Variants in STAT1 observed in about 807,000 individuals in gnomAD.
STAT1 encodes the protein signal transducer and activator of transcription 1-alpha/beta.
STAT1 carries 24 observed loss-of-function variants against 111.7 expected under a neutral mutation model. The observed-to-expected ratio is 0.21, with a 90% confidence interval of 0.16 to 0.30. STAT1 has a LOEUF of 0.30. STAT1 is among the 10% of genes least tolerant of loss of function. STAT1 has a pLI of 1.00. For missense variants in STAT1, 351 were observed against 911.9 expected, an observed-to-expected ratio of 0.38 and a Z score of 7.92; for synonymous variants, 332 against 326.5, an observed-to-expected ratio of 1.02 and a Z score of -0.18.
At position 190,999,323 on chromosome 2, in the gene STAT1, T is replaced by C. The variant is rs1694089967; in HGVS notation, c.541+303A>G. Among the ~76,000 whole-genome samples the C allele has an allele frequency of 6.6e-6, 1 of 152,114 alleles. No individual in the cohort carries two copies. Among genetic ancestry groups the C allele is most frequent in the Non-Finnish European group, 1.5e-5 (1 of 68,014 alleles). ...GGGGTCACTGACCCCTAGGGGACTTTTGGCAATCTCTGGAGACAGTTTTGG... is the reference window on the plus strand; with the variant it reads ...GGGGTCACTGACCCCTAGGGGACTTCTGGCAATCTCTGGAGACAGTTTTGG... On this transcript the variant is annotated intron_variant, in intron 7 of 24. Transcript: ENST00000361099. This position sits in a 1 kb window ranked among gnomAD's most constrained non-coding sequence, Gnocchi z 4.1.
At position 190,989,574 on chromosome 2, in the gene STAT1, C is replaced by T; in HGVS notation, c.1097+41G>A. 1.6e-6 allele frequency: 2 copies of T among 1,224,098 alleles called. No individual in the cohort carries two copies. Among genetic ancestry groups the T allele is most frequent in the Non-Finnish European group, 2.3e-6 (2 of 853,820 alleles). 75.8% of individuals were successfully genotyped at this position (1,224,098 alleles called of 1,614,324 possible). On this transcript the variant is annotated intron_variant, in intron 12 of 24. Transcript: ENST00000361099. This position sits in a 1 kb window ranked among gnomAD's most constrained non-coding sequence, Gnocchi z 5.0. ...TGCTTGAGTAACAAAATCAACATTT[C>T]AATAGTACATGTATGTTATATAATG...
Position 191,006,423 on chromosome 2 carries a change from G to A in STAT1, c.372+1140C>T, listed in dbSNP as rs1694704460. Among the ~76,000 whole-genome samples the A allele has an allele frequency of 6.6e-6, 1 of 152,198 alleles. No homozygotes were observed. The highest frequency in any genetic ancestry group is 2.4e-5 in the African/African-American group (1 of 41,446). On this transcript the variant is annotated intron_variant, in intron 5 of 24. Coordinates refer to ENST00000361099, the MANE Select transcript of STAT1 (RefSeq NM_007315.4). The surrounding 1 kb of genome is among the most constrained non-coding windows in gnomAD (Gnocchi z 4.6). ...CAGTTCAGCAAGATGCTATCAGTGTGACAAGAAGATGGGAACTATACGCCT... is the reference window on the plus strand; with the variant it reads ...CAGTTCAGCAAGATGCTATCAGTGTAACAAGAAGATGGGAACTATACGCCT...
rs566908973 is a variant in STAT1, at chr2:190,984,963, G to T, written c.1264-570C>A. Among the ~76,000 whole-genome samples the T allele has an allele frequency of 3.2e-4, 48 of 152,308 alleles. No homozygotes were observed. The highest frequency in any genetic ancestry group is 1.1e-3 in the African/African-American group (45 of 41,574). On this transcript the variant is annotated intron_variant, in intron 15 of 24. Coordinates refer to ENST00000361099, the MANE Select transcript of STAT1 (RefSeq NM_007315.4). The surrounding 1 kb of genome is among the most constrained non-coding windows in gnomAD (Gnocchi z 5.2). ...AAAACATAGTTCAGGCGCACACCAGGGCTAGAAGGCATCTTTGCACTGCCT... is the reference window on the plus strand; with the variant it reads ...AAAACATAGTTCAGGCGCACACCAGTGCTAGAAGGCATCTTTGCACTGCCT...
Position 190,970,442 on chromosome 2 carries a change from T to C in STAT1, c.*261A>G, listed in dbSNP as rs1401808260. The C allele has an allele frequency of 1.8e-6, 1 of 547,326 alleles. No individual in the cohort carries two copies. Among genetic ancestry groups the C allele is most frequent in the Non-Finnish European group, 3.3e-6 (1 of 302,774 alleles). The allele number at this position is 547,326 out of a possible 1,614,324, so 33.9% of individuals were successfully genotyped here. ...TTCTCGTCCTGATACTTTGGGTGTA[T>C]CTGGATGTTTTTCACTTGTGAAACC... On this transcript the variant is annotated 3_prime_UTR_variant, in exon 25 of 25. Coordinates refer to ENST00000361099, the MANE Select transcript of STAT1 (RefSeq NM_007315.4). The surrounding 1 kb of genome is among the most constrained non-coding windows in gnomAD (Gnocchi z 5.4).
Position 190,970,486 on chromosome 2 carries a change from T to G in STAT1, c.*217A>C. 1.6e-6 allele frequency: 1 copy of G among 622,922 alleles called. No homozygotes were observed. Among genetic ancestry groups the G allele is most frequent in the South Asian group, 1.8e-5 (1 of 54,892 alleles). The allele number at this position is 622,922 out of a possible 1,614,324, so 38.6% of individuals were successfully genotyped here. ...TGAAACCCACTCTTCAGAGAATGCCTTTCAATTTTACCTTCAGTAAGATGC... is the reference window on the plus strand; with the variant it reads ...TGAAACCCACTCTTCAGAGAATGCCGTTCAATTTTACCTTCAGTAAGATGC... On this transcript the variant is annotated 3_prime_UTR_variant, in exon 25 of 25. Transcript: ENST00000361099. The surrounding 1 kb of genome is among the most constrained non-coding windows in gnomAD (Gnocchi z 5.4).
chr2:191,002,635 T>C (rs577747858), intron 5 of STAT1, among the ~76,000 whole-genome samples: 172 of 152,366 alleles, frequency 1.1e-3, no homozygotes, highest in African/African-American at 3.8e-3. Context: ...TTAATTCTTA[T>C]GCTTCTAATG....
rs2125043267 is a variant in STAT1, at chr2:190,989,411, G to A, written c.1097+204C>T. ...TGGGGTCATTTGTGATGGCCCTGGT[G>A]GATCTGACTAGAAGTCTCTGCTCAT... On this transcript the variant is annotated intron_variant, in intron 12 of 24. Coordinates refer to ENST00000361099, the MANE Select transcript of STAT1 (RefSeq NM_007315.4). The surrounding 1 kb of genome is among the most constrained non-coding windows in gnomAD (Gnocchi z 5.0). Among the ~76,000 whole-genome samples, 1 of 152,318 alleles carries A rather than the reference G, an allele frequency of 6.6e-6. No homozygotes were observed. The highest frequency in any genetic ancestry group is 1.9e-4 in the East Asian group (1 of 5,184).
chr2:191,007,794 C>A lies in STAT1; in HGVS notation c.274-133G>T. ...TCTCATCTATTAAATTCTATATAAG[C>A]TATGTTTGTTAAAATCAAAATATTT... On this transcript the variant is annotated intron_variant, in intron 4 of 24. Transcript: ENST00000361099. The surrounding 1 kb of genome is among the most constrained non-coding windows in gnomAD (Gnocchi z 4.2). The A allele has an allele frequency of 1.4e-6, 1 of 708,924 alleles. No individual in the cohort carries two copies. Among genetic ancestry groups the A allele is most frequent in the South Asian group, 1.6e-5 (1 of 60,660 alleles). 43.9% of individuals were successfully genotyped at this position (708,924 alleles called of 1,614,324 possible).
At position 190,970,861 on chromosome 2, in the gene STAT1, C is replaced by G. The variant is rs866282645; in HGVS notation, c.2239-144G>C. ...AAATAAATACCGTGGAATAAGAGGG[C>G]CTTCAGCATGTACTATGTATTATCC... is the stretch of plus-strand genomic sequence containing the variant. On this transcript the variant is annotated intron_variant, in intron 24 of 24. Coordinates refer to ENST00000361099, the MANE Select transcript of STAT1 (RefSeq NM_007315.4). The surrounding 1 kb of genome is among the most constrained non-coding windows in gnomAD (Gnocchi z 5.4). The G allele has an allele frequency of 1.3e-6, 1 of 773,486 alleles. No homozygotes were observed. Among genetic ancestry groups the G allele is most frequent in the African/African-American group, 1.7e-5 (1 of 58,284 alleles). The allele number at this position is 773,486 out of a possible 1,614,324, so 47.9% of individuals were successfully genotyped here. A position where few individuals can be genotyped will look rare whatever the true frequency, so the allele number is the denominator to read the frequency against.
chr2:190,992,838 G>T, intron 10 of STAT1: 1 of 328,022 alleles, frequency 3.0e-6, no homozygotes. Context: ...CTCCTAGGCT[G>T]GAGAGCAATG....
chr2:191,001,033 G>T, intron 6 of STAT1, 41 bp downstream of exon 6: 1 of 1,494,878 alleles, frequency 6.7e-7, no homozygotes. Flanking sequence ...TTCCCCTACA[G>T]AAAGTTTCAG....
chr2:190,982,551 C>A lies in STAT1; in HGVS notation c.1447-33G>T, dbSNP rs1249977133. 1 of 1,613,024 alleles carries A rather than the reference C, an allele frequency of 6.2e-7. No individual in the cohort carries two copies. The highest frequency in any genetic ancestry group is 8.5e-7 in the Non-Finnish European group (1 of 1,179,150). ...GAAAACACCCAAAATCTAAGGGTTA[C>A]TACAGAGACACCAGTCACAAGTGTG... On this transcript the variant is annotated intron_variant, in intron 17 of 24. Coordinates refer to ENST00000361099, the MANE Select transcript of STAT1 (RefSeq NM_007315.4). The surrounding 1 kb of genome is among the most constrained non-coding windows in gnomAD (Gnocchi z 7.3).
At chr2:191,002,011 C>T (rs1324996037) in intron 5 of STAT1, among the ~76,000 whole-genome samples, 5 of 152,174 alleles carry the variant, frequency 3.3e-5, no homozygotes, top group East Asian at 3.8e-4. Context: ...ACAGATTCTA[C>T]GGGGGTGTTT....
rs1691867662 is a variant in STAT1 at position 190,975,832 on chromosome 2, C to T, written c.2115G>A (p.Glu705=). ...GPKGTGYIKT[E]LISVSEVHPS... ...CTTACACTTCAGACACAGAAATCAA[C>T]TCAGTCTTGATATATCCAGTTCCTT... The change falls in exon 23 of 25, where the codon GAG becomes GAA. Residue 705 remains glutamate, a synonymous_variant. Coordinates refer to ENST00000361099, the MANE Select transcript of STAT1 (RefSeq NM_007315.4). The surrounding 1 kb of genome is among the most constrained non-coding windows in gnomAD (Gnocchi z 5.9). The T allele has an allele frequency of 3.1e-6, 5 of 1,614,194 alleles. No homozygotes were observed. The highest frequency in any genetic ancestry group is 1.3e-5 in the African/African-American group (1 of 75,062).
At position 190,974,822 on chromosome 2, in the gene STAT1, G is replaced by T. The variant is rs1220211002; in HGVS notation, c.2238+8C>A. On this transcript the variant is annotated splice_region_variant and intron_variant, in intron 24 of 24. Coordinates refer to ENST00000361099, the MANE Select transcript of STAT1 (RefSeq NM_007315.4). The surrounding 1 kb of genome is among the most constrained non-coding windows in gnomAD (Gnocchi z 4.8). ...GAGAGCTACACACAGGCCAGCCGTG[G>T]TACTCACCATACTGTCGAATTCTAC... 5.6e-6 allele frequency: 9 copies of T among 1,610,986 alleles called. 1 individual carries two copies. In the South Asian group the frequency reaches 8.8e-5, roughly 16 times the overall value.
Position 190,979,570 on chromosome 2 carries a change from A to C in STAT1, c.1727+202T>G, listed in dbSNP as rs1244898483. 6.6e-6 allele frequency among the ~76,000 whole-genome samples: 1 copy of C among 152,032 alleles called. No homozygotes were observed. Among genetic ancestry groups the C allele is most frequent in the Non-Finnish European group, 1.5e-5 (1 of 68,000 alleles). On this transcript the variant is annotated intron_variant, in intron 20 of 24. Coordinates refer to ENST00000361099, the MANE Select transcript of STAT1 (RefSeq NM_007315.4). The surrounding 1 kb of genome is among the most constrained non-coding windows in gnomAD (Gnocchi z 5.8). ...TTTTTTTTTTTAATTTAGCTTTGCCAATACATATACTTGTACTAAGAAAGT... is the reference window on the plus strand; with the variant it reads ...TTTTTTTTTTTAATTTAGCTTTGCCCATACATATACTTGTACTAAGAAAGT...
rs2125007416 is a variant in STAT1 at position 190,978,928 on chromosome 2, G to A, written c.1801C>T (p.Leu601=). The A allele has an allele frequency of 6.2e-7, 1 of 1,614,150 alleles. No homozygotes were observed. The highest frequency in any genetic ancestry group is 8.5e-7 in the Non-Finnish European group (1 of 1,180,016). ...LKDQQPGTFL[L]RFSESSREGA... The stretch of plus-strand genomic sequence containing the variant: ...TCCCGGGAGCTCTCACTGAACCGCA[G>A]CAGGAAGGTCCCCGGCTGCTGGTCC... The change falls in exon 21 of 25, where the codon CTG becomes TTG. Residue 601 remains leucine (L), a synonymous_variant. Coordinates refer to ENST00000361099, the MANE Select transcript of STAT1 (RefSeq NM_007315.4). This position sits in a 1 kb window ranked among gnomAD's most constrained non-coding sequence, Gnocchi z 6.1.
In STAT1 at chr2:190,981,136, G is replaced by A. The variant is rs543727109; in HGVS notation, c.1583-467C>T. Among the ~76,000 whole-genome samples, 5 of 152,130 alleles carry A rather than the reference G, an allele frequency of 3.3e-5. No homozygotes were observed. The East Asian group carries it at 9.7e-4, about 29-fold the overall frequency. On this transcript the variant is annotated intron_variant, in intron 18 of 24. Coordinates refer to ENST00000361099, the MANE Select transcript of STAT1 (RefSeq NM_007315.4). This position sits in a 1 kb window ranked among gnomAD's most constrained non-coding sequence, Gnocchi z 4.1. ...CACTAAATCAAAGGTGTTCTGCTGG[G>A]CCTCCTAGAGAAGCCTCCCTATCCA...
intron 10 of STAT1, among the ~76,000 whole-genome samples, chr2:190,994,742 G>A (rs1005235724): frequency 6.6e-6 from 1 of 151,582 alleles, no homozygotes; most frequent in Non-Finnish European, 1.5e-5. Flanking sequence ...CCAACATGGC[G>A]AAACCCAGTC....
Sources: gnomAD v4.1 joint callset for allele counts (sites outside exome capture counted in the v4.1 genomes callset) on GRCh38, gnomAD v4.1.1 for gene constraint, Gnocchi (gnomAD v3.1) non-coding constraint, MANE v1.5 for transcripts, NCBI Gene and HGNC (gene_info 2026-07-23, HGNC 2026-07-21) for gene names.